LCLAT1: variants seen among roughly 807,000 people sequenced by gnomAD.
LCLAT1 encodes 1-AGP acyltransferase 8.
In LCLAT1, 11 loss-of-function variants were observed where a neutral mutation model predicts 30.7. The ratio of observed to expected loss-of-function variants is 0.36; its 90% CI spans 0.23 to 0.59. The LOEUF (loss-of-function observed/expected upper bound fraction) is 0.59. Among genes scored for constraint, LCLAT1 ranks in the 20% least tolerant of loss-of-function variants. The probability of loss-of-function intolerance (pLI) is 0.77; values close to 1 mark genes in which losing one functional copy is unlikely to be tolerated. For synonymous variants in LCLAT1, 155 were observed against 151.3 expected (o/e 1.02, Z -0.18); for missense variants, 402 against 458.6 (o/e 0.88, Z 1.13).
intron 5 of LCLAT1, among the ~76,000 whole-genome samples, chr2:30,611,387 C>T (rs1305019262): frequency 1.3e-5 from 2 of 152,064 alleles, no homozygotes; most frequent in Non-Finnish European, 2.9e-5. Context: ...TGTGTATACA[C>T]TCACACTTTC....
chr2:30,622,177 C>T (rs1668290686), intron 5 of LCLAT1, among the ~76,000 whole-genome samples: 1 of 152,108 alleles, frequency 6.6e-6, no homozygotes, highest in African/African-American at 2.4e-5. Context: ...GCAGAGGCAG[C>T]CATAATCCAC....
chr2:30,495,550 T>C (rs1038157029), intron 1 of LCLAT1, among the ~76,000 whole-genome samples: 20 of 151,700 alleles, frequency 1.3e-4, no homozygotes, highest in African/African-American at 4.6e-4. Context: ...GCTAGAAGAT[T>C]AAAAAAAAGA....
At chr2:30,556,414 T>G (rs140455383) in intron 3 of LCLAT1, among the ~76,000 whole-genome samples, 1,970 of 151,998 alleles carry the variant, frequency 0.013, 31 homozygotes, top group Non-Finnish European at 0.016. Context: ...ACAAAGGAAA[T>G]TAATTTCAAT....
intron 1 of LCLAT1, among the ~76,000 whole-genome samples, chr2:30,469,376 G>T (rs1324267603): frequency 6.6e-6 from 1 of 151,794 alleles, no homozygotes; most frequent in Non-Finnish European, 1.5e-5. Context: ...TTTATCTTTT[G>T]TGTTTAGGTT....
chr2:30,562,536 T>G (rs1376537106), intron 4 of LCLAT1, among the ~76,000 whole-genome samples: 1 of 146,508 alleles, frequency 6.8e-6, no homozygotes, highest in South Asian at 2.1e-4. Context: ...ACAGAAAAAT[T>G]AATGGCTCAT....
intron 5 of LCLAT1, among the ~76,000 whole-genome samples, chr2:30,618,005 T>C (rs1668075800): frequency 6.6e-6 from 1 of 152,140 alleles, no homozygotes; most frequent in Non-Finnish European, 1.5e-5. Context: ...CAAAGTACAG[T>C]TTTTCAGTTT....
intron 1 of LCLAT1, chr2:30,447,586 G>A (rs906121998): frequency 1.3e-5 from 2 of 152,324 alleles, no homozygotes; most frequent in African/African-American, 4.8e-5. Context: ...CGCTGGCTCA[G>A]GTGGAAGGAG....
chr2:30,513,919 A>G (rs1389619748), intron 1 of LCLAT1, among the ~76,000 whole-genome samples: 1 of 152,196 alleles, frequency 6.6e-6, no homozygotes. Context: ...TATAAAACCA[A>G]ACTGTGGTCT....
chr2:30,466,183 G>A (rs749631376), intron 1 of LCLAT1, among the ~76,000 whole-genome samples: 1 of 151,476 alleles, frequency 6.6e-6, no homozygotes, highest in Non-Finnish European at 1.5e-5. Context: ...TTTTCATAAA[G>A]AACCAAGCTC....
chr2:30,542,209 T>C (rs994915647), intron 3 of LCLAT1, among the ~76,000 whole-genome samples: 19 of 152,160 alleles, frequency 1.2e-4, no homozygotes, highest in African/African-American at 4.6e-4. Context: ...AAGAGCAAAC[T>C]TTATCTTCAT....
chr2:30,611,086 T>TC (rs1162478505), intron 5 of LCLAT1, among the ~76,000 whole-genome samples: 1 of 151,360 alleles, frequency 6.6e-6, no homozygotes, highest in Non-Finnish European at 1.5e-5. Context: ...CTTTTAGCTT[T>TC]TTTTTTTTTT....
Position 30,484,515 on chromosome 2 carries a change from C to T in LCLAT1, c.-5+37132C>T, listed in dbSNP as rs541843943. 5.9e-5 allele frequency among the ~76,000 whole-genome samples: 9 copies of T among 152,154 alleles called. No individual in the cohort carries two copies. The South Asian group carries it at 1.9e-3, about 32-fold the overall frequency. On this transcript the variant is annotated intron_variant, in intron 1 of 5. Coordinates refer to ENST00000379509, the MANE Select transcript of LCLAT1 (RefSeq NM_001002257.3). Reference sequence around the variant, plus strand: ...GTTTCATTATAACTTCCTGGCTTTGCGTTTAACCAATGTTATTTTATTGTA... The same window carrying T: ...GTTTCATTATAACTTCCTGGCTTTGTGTTTAACCAATGTTATTTTATTGTA...
chr2:30,462,614 T>G (rs1355854997), intron 1 of LCLAT1, among the ~76,000 whole-genome samples: 1 of 152,222 alleles, frequency 6.6e-6, no homozygotes, highest in African/African-American at 2.4e-5. Context: ...CCAGACAAGT[T>G]GAAAGTTGCA....
intron 5 of LCLAT1, among the ~76,000 whole-genome samples, chr2:30,581,235 G>T (rs1305725568): frequency 6.6e-6 from 1 of 152,058 alleles, no homozygotes; most frequent in African/African-American, 2.4e-5. Context: ...CCTCACAGTG[G>T]CCCACTCCTT....
chr2:30,629,739 TAAGCTTATGAAG>T, intron 5 of LCLAT1, among the ~76,000 whole-genome samples: 1 of 152,336 alleles, frequency 6.6e-6, no homozygotes, highest in Non-Finnish European at 1.5e-5. Context: ...CCTTTTTAGT[TAAGCTTATGAAG>T]GTATCTATTT....
intron 3 of LCLAT1, chr2:30,552,492 G>A: frequency 2.3e-6 from 1 of 442,172 alleles, no homozygotes; most frequent in Non-Finnish European, 4.6e-6. Context: ...TGTATTTTCA[G>A]CACAGTCACA....
intron 5 of LCLAT1, among the ~76,000 whole-genome samples, chr2:30,632,161 A>G (rs1668797934): frequency 1.3e-5 from 2 of 152,256 alleles, no homozygotes; most frequent in Non-Finnish European, 2.9e-5. Flanking sequence ...TTGAATAAGC[A>G]AGACTGTTCA....
intron 1 of LCLAT1, among the ~76,000 whole-genome samples, chr2:30,508,168 A>G (rs759482229): frequency 6.6e-6 from 1 of 151,988 alleles, no homozygotes; most frequent in Non-Finnish European, 1.5e-5. Flanking sequence ...TTTTTTATAG[A>G]TGCTGGATAT....
chr2:30,571,432 A>G (rs1167686123), intron 5 of LCLAT1, among the ~76,000 whole-genome samples: 1 of 152,220 alleles, frequency 6.6e-6, no homozygotes, highest in Non-Finnish European at 1.5e-5. Flanking sequence ...AATAAAAGCA[A>G]TATACCAATC....
Sources: gnomAD v4.1 joint callset for allele counts (sites outside exome capture counted in the v4.1 genomes callset) on GRCh38, gnomAD v4.1.1 for gene constraint, MANE v1.5 for transcripts, NCBI Gene and HGNC (gene_info 2026-07-23, HGNC 2026-07-21) for gene names.